COBL: variants seen among roughly 807,000 people sequenced by gnomAD.
The protein encoded by COBL is protein cordon-bleu.
In COBL, 51 loss-of-function variants were observed where a neutral mutation model predicts 98.8. That is an observed-to-expected ratio of 0.52 (90% CI 0.41 to 0.65). The LOEUF (loss-of-function observed/expected upper bound fraction) is 0.65. COBL is among the 30% of genes least tolerant of loss of function. COBL has a pLI of 0.00. For missense variants in COBL, 1,617 were observed against 1,617.5 expected (o/e 1.00, Z 0.01); for synonymous variants, 634 against 651.7 (o/e 0.97, Z 0.41).
At chr7:51,169,101 C>G (rs962829230) in intron 5 of COBL, among the ~76,000 whole-genome samples, 2 of 152,164 alleles carry the variant, frequency 1.3e-5, no homozygotes, top group Admixed American at 6.5e-5. Context: ...ACAATATATT[C>G]TCTCTGAAGC....
At chr7:51,297,475 T>A (rs1801523227) in intron 1 of COBL, among the ~76,000 whole-genome samples, 1 of 141,662 alleles carries the variant, frequency 7.1e-6, no homozygotes, top group Admixed American at 7.6e-5. Flanking sequence ...CACTGCAACC[T>A]CCGTCTCCCG....
At chr7:51,204,636 C>T (rs1346355784) in intron 2 of COBL, among the ~76,000 whole-genome samples, 14 of 151,434 alleles carry the variant, frequency 9.2e-5, no homozygotes, top group South Asian at 8.3e-4. Flanking sequence ...CTGCAACCTC[C>T]GCCTCCCGGG....
At chr7:51,177,938 G>A (rs1204694607) in intron 5 of COBL, among the ~76,000 whole-genome samples, 1 of 152,048 alleles carries the variant, frequency 6.6e-6, no homozygotes, top group East Asian at 1.9e-4. Context: ...TGAGAGTCAG[G>A]AGTTTGAGAC....
intron 8 of COBL, chr7:51,035,236 T>C (rs1383582957): frequency 6.6e-6 from 1 of 152,138 alleles, no homozygotes; most frequent in Non-Finnish European, 1.5e-5. Context: ...CGCTTTTTGA[T>C]TTGTTGTTTT....
intron 1 of COBL, chr7:51,260,316 T>C (rs1797603609): frequency 7.0e-6 from 3 of 427,938 alleles, no homozygotes; most frequent in Non-Finnish European, 1.2e-5. Flanking sequence ...CAGGATAATA[T>C]GTAAAGTTTG....
intron 6 of COBL, among the ~76,000 whole-genome samples, chr7:51,106,200 CAAAAAAAAAA>C (rs61220710): frequency 1.9e-5 from 2 of 102,850 alleles, no homozygotes; most frequent in African/African-American, 7.2e-5. Flanking sequence ...CGAGATGTCT[CAAAAAAAAAA>C]AAAAAAAAAA....
intron 2 of COBL, among the ~76,000 whole-genome samples, chr7:51,214,949 C>T (rs952349587): frequency 2.0e-5 from 3 of 152,102 alleles, no homozygotes; most frequent in Admixed American, 2.0e-4. Flanking sequence ...CTCAGCCTAG[C>T]TTCAAGCAAT....
Position 51,087,512 on chromosome 7 carries a change from T to C in COBL, c.958-2208A>G, listed in dbSNP as rs189826946. 7.0e-4 allele frequency among the ~76,000 whole-genome samples: 106 copies of C among 152,250 alleles called. 1 individual carries two copies. In the Middle Eastern group the frequency reaches 0.017, roughly 24 times the overall value. On this transcript the variant is annotated intron_variant, in intron 6 of 12. Transcript: ENST00000265136. The stretch of plus-strand genomic sequence containing the variant: ...TTTTGGTTGTTGTTGTTGCTTGTTT[T>C]TTTTGAGACAGAGTCTCACTCTGTC...
At chr7:51,256,673 G>A (rs1797231017) in intron 1 of COBL, among the ~76,000 whole-genome samples, 3 of 152,230 alleles carry the variant, frequency 2.0e-5, no homozygotes, top group Non-Finnish European at 4.4e-5. Flanking sequence ...CAGAGGCAGG[G>A]CAAGTGTTAC....
At chr7:51,062,762 C>T (rs1791511690) in intron 7 of COBL, among the ~76,000 whole-genome samples, 1 of 152,204 alleles carries the variant, frequency 6.6e-6, no homozygotes, top group Non-Finnish European at 1.5e-5. Context: ...TCCCAGGAGT[C>T]GTGCCTGCCA....
chr7:51,092,905 T>C (rs566811973), intron 6 of COBL, among the ~76,000 whole-genome samples: 30 of 151,406 alleles, frequency 2.0e-4, no homozygotes, highest in African/African-American at 6.3e-4. Flanking sequence ...TTTTAATCCA[T>C]GAACATGAAA....
chr7:51,250,217 C>T (rs924055622), intron 1 of COBL, among the ~76,000 whole-genome samples: 24 of 152,272 alleles, frequency 1.6e-4, no homozygotes, highest in African/African-American at 5.5e-4. Flanking sequence ...GTGTCCACCC[C>T]GCACCAAACA....
chr7:51,193,314 C>T (rs1008741390), intron 3 of COBL, 65 bp downstream of exon 3: 18 of 1,420,058 alleles, frequency 1.3e-5, no homozygotes, highest in Middle Eastern at 1.8e-4. Context: ...AAGAGCCACA[C>T]TGGCCCCTAC....
At chr7:51,297,292 T>A (rs1013025691) in intron 1 of COBL, among the ~76,000 whole-genome samples, 1 of 152,138 alleles carries the variant, frequency 6.6e-6, no homozygotes, top group Non-Finnish European at 1.5e-5. Flanking sequence ...AGGTGTTAAC[T>A]GGGACTGTCC....
intron 1 of COBL, among the ~76,000 whole-genome samples, chr7:51,264,678 A>C (rs1158878766): frequency 7.4e-6 from 1 of 135,618 alleles, no homozygotes; most frequent in Admixed American, 6.9e-5. Context: ...CTCCCAAAAA[A>C]AAAAAAAAAA....
At chr7:51,176,172 C>G (rs578192062) in intron 5 of COBL, among the ~76,000 whole-genome samples, 3 of 152,212 alleles carry the variant, frequency 2.0e-5, no homozygotes, top group Admixed American at 6.5e-5. Flanking sequence ...TTTGGAGATA[C>G]TTGGCAAGTC....
At chr7:51,060,012 T>G (rs941515906) in intron 7 of COBL, among the ~76,000 whole-genome samples, 2 of 152,156 alleles carry the variant, frequency 1.3e-5, no homozygotes, top group Non-Finnish European at 2.9e-5. Context: ...CCTCCCTTCA[T>G]CATGGGTCCT....
chr7:51,123,229 C>T (rs560828496), intron 6 of COBL, among the ~76,000 whole-genome samples: 1 of 152,280 alleles, frequency 6.6e-6, no homozygotes, highest in Non-Finnish European at 1.5e-5. Context: ...GATATATTTA[C>T]AATGTATTTG....
chr7:51,099,429 T>A (rs1795617119), intron 6 of COBL, among the ~76,000 whole-genome samples: 1 of 152,168 alleles, frequency 6.6e-6, no homozygotes, highest in Non-Finnish European at 1.5e-5. Context: ...ATCAAGGAAA[T>A]TCTGACACAT....
Sources: gnomAD v4.1 joint callset for allele counts (sites outside exome capture counted in the v4.1 genomes callset) on GRCh38, gnomAD v4.1.1 for gene constraint, MANE v1.5 for transcripts, NCBI Gene and HGNC (gene_info 2026-07-23, HGNC 2026-07-21) for gene names.